Variants in A2ML1 observed in about 807,000 individuals in gnomAD.
The protein encoded by A2ML1 is alpha-2-macroglobulin-like protein 1.
A2ML1 carries 161 observed loss-of-function variants against 181.9 expected under a neutral mutation model. The ratio of observed to expected loss-of-function variants is 0.89; its 90% CI spans 0.78 to 1.01. The LOEUF (loss-of-function observed/expected upper bound fraction) is 1.01. Ranked by LOEUF, A2ML1 falls within the 50% of genes least tolerant of loss-of-function variation. A2ML1 has a pLI of 0.00. For synonymous variants in A2ML1, 663 were observed against 666.8 expected (o/e 0.99, Z 0.09); for missense variants, 1,670 against 1,768.1 (o/e 0.94, Z 1.00).
intron 33 of A2ML1, among the ~76,000 whole-genome samples, chr12:8,871,193 TG>T (rs1211828560): frequency 6.6e-6 from 1 of 152,226 alleles, no homozygotes; most frequent in East Asian, 1.9e-4. Flanking sequence ...TGTCTAATTT[TG>T]TTGCATTATG....
chr12:8,832,398 C>T (rs1450542291), intron 4 of A2ML1, among the ~76,000 whole-genome samples: 2 of 152,134 alleles, frequency 1.3e-5, no homozygotes, highest in African/African-American at 4.8e-5. Context: ...GTTAGTCCTG[C>T]AAAGGCAGAC....
rs968061030 is a variant in A2ML1 at position 8,847,532 on chromosome 12, A to G, written c.1684-17A>G. 2.5e-6 allele frequency: 4 copies of G among 1,600,302 alleles called. No homozygotes were observed. The East Asian group carries it at 6.7e-5, about 27-fold the overall frequency. On this transcript the variant is annotated splice_polypyrimidine_tract_variant and intron_variant, in intron 14 of 35. Coordinates refer to ENST00000299698, the MANE Select transcript of A2ML1 (RefSeq NM_144670.6). ...CAGGCTGACCTGATCCCCAAGTTAT[A>G]CCTTTCCCTTCCCCAGGTTTCCCTT...
chr12:8,823,956 T>G (rs1324854586), intron 3 of A2ML1, 74 bp downstream of exon 3: 4 of 1,501,372 alleles, frequency 2.7e-6, no homozygotes, highest in Non-Finnish European at 3.6e-6. Context: ...AGGGGATTTG[T>G]GGTTTGACAG....
intron 28 of A2ML1, among the ~76,000 whole-genome samples, chr12:8,862,765 A>G (rs1944310333): frequency 1.3e-5 from 2 of 151,016 alleles, no homozygotes; most frequent in South Asian, 2.1e-4. Flanking sequence ...TCCACCGTGT[A>G]TTGGTTTATT....
In A2ML1 at chr12:8,874,481, C is replaced by T. The variant is rs764258507; in HGVS notation, c.4278C>T (p.Thr1426=). Residue 1426 remains threonine (T), a synonymous_variant, in exon 34 of 36, where the codon ACC becomes ACT. Coordinates refer to ENST00000299698, the MANE Select transcript of A2ML1 (RefSeq NM_144670.6). The part of the protein sequence containing the change: ...TFTISQSVLV[T]NLKPATIKVY... The stretch of plus-strand genomic sequence containing the variant: ...CCATCAGCCAAAGTGTGCTGGTCAC[C>T]AACTTGAAACCAGCAACCATCAAGG... 2 of 1,613,922 alleles carry T rather than the reference C, an allele frequency of 1.2e-6. No homozygotes were observed. Among genetic ancestry groups the T allele is most frequent in the African/African-American group, 2.7e-5 (2 of 74,886 alleles).
At position 8,857,496 on chromosome 12, in the gene A2ML1, TG is replaced by T. The variant is rs766125259; in HGVS notation, c.3026-9del. ...TGTCGCTGTGATCTAAAACCACATTTGGCTTCCCAGGGTACCAGAAGGAGCT... is the reference window on the plus strand; with the variant it reads ...TGTCGCTGTGATCTAAAACCACATTTGCTTCCCAGGGTACCAGAAGGAGCT... On this transcript the variant is annotated splice_polypyrimidine_tract_variant and intron_variant, in intron 24 of 35. Coordinates refer to ENST00000299698, the MANE Select transcript of A2ML1 (RefSeq NM_144670.6). 2 of 1,611,390 alleles carry T rather than the reference TG, an allele frequency of 1.2e-6. No individual in the cohort carries two copies. Among genetic ancestry groups the T allele is most frequent in the Admixed American group, 1.7e-5 (1 of 59,622 alleles).
chr12:8,884,441 G>A (rs1944902585), intron 7 of A2ML1, among the ~76,000 whole-genome samples: 3 of 151,668 alleles, frequency 2.0e-5, no homozygotes, highest in Admixed American at 2.0e-4. Context: ...CCGTCGAGTA[G>A]ACTCCAGTGT....
intron 3 of A2ML1, among the ~76,000 whole-genome samples, chr12:8,825,138 G>T (rs1303162035): frequency 6.6e-6 from 1 of 152,094 alleles, no homozygotes; most frequent in Non-Finnish European, 1.5e-5. Flanking sequence ...TTATATGGAA[G>T]CTCTATTTTT....
At chr12:8,836,423 T>C (rs1943278386) in intron 7 of A2ML1, 84 bp downstream of exon 7, 1 of 1,168,808 alleles carries the variant, frequency 8.6e-7, no homozygotes, top group Non-Finnish European at 1.3e-6. Flanking sequence ...TGTGGGATTA[T>C]GGGTGGGCCA....
intron 10 of A2ML1, among the ~76,000 whole-genome samples, chr12:8,840,107 C>T (rs1429306200): frequency 6.6e-6 from 1 of 152,078 alleles, no homozygotes; most frequent in South Asian, 2.1e-4. Context: ...CGTCTGCAGT[C>T]CTAGCACTTT....
Position 8,823,755 on chromosome 12 carries a change from C to T in A2ML1, c.282C>T (p.Ala94=), listed in dbSNP as rs185046854. 11 of 1,614,014 alleles carry T rather than the reference C, an allele frequency of 6.8e-6. No individual in the cohort carries two copies. In the East Asian group the frequency reaches 2.5e-4, roughly 36 times the overall value. The change falls in exon 3 of 36, where the codon GCC becomes GCT. Residue 94 remains alanine (A), a synonymous_variant. Transcript: ENST00000299698. ...PPPAGGTEEV[A]TIRVSGVGNN... is the part of the protein sequence containing the mutation. ...CTGCTGGTGGCACAGAAGAAGTGGC[C>T]ACAATCCGGGTGTCGGGAGTTGGAA...
Position 8,865,021 on chromosome 12 carries a change from G to A in A2ML1, c.3717+1013G>A, listed in dbSNP as rs1228029834. 8.9e-4 allele frequency among the ~76,000 whole-genome samples: 13 copies of A among 14,550 alleles called. 6 individuals are homozygous for A. Among genetic ancestry groups the A allele is most frequent in the African/African-American group, 9.5e-4 (13 of 13,664 alleles). 9.5% of individuals were successfully genotyped at this position (14,550 alleles called of 152,430 possible). ...CTCTACTAAAATACAAAAATTAGCT[G>A]GATGTGGCCCCATCTCTACTAAAGA... On this transcript the variant is annotated intron_variant, in intron 29 of 35. Transcript: ENST00000299698.
Position 8,845,474 on chromosome 12 carries a change from G to A in A2ML1, c.1509G>A (p.Gly503=). The part of the protein sequence containing the change: ...LIGKGSLVME[G]QKHLNSKKKG... ...GGAAAGGAAGTTTGGTGATGGAGGG[G>A]CAGAAACACCTGAACTCTAAGAAGA... The change falls in exon 13 of 36, where the codon GGG becomes GGA. Residue 503 remains glycine (G), a synonymous_variant. Coordinates refer to ENST00000299698, the MANE Select transcript of A2ML1 (RefSeq NM_144670.6). 2.5e-6 allele frequency: 4 copies of A among 1,614,122 alleles called. No homozygotes were observed. Among genetic ancestry groups the A allele is most frequent in the Non-Finnish European group, 3.4e-6 (4 of 1,180,006 alleles).
intron 2 of A2ML1, 66 bp downstream of exon 2, chr12:8,823,431 A>C (rs1215792733): frequency 3.4e-6 from 5 of 1,476,770 alleles, no homozygotes; most frequent in Non-Finnish European, 4.6e-6. Context: ...GGCTCACTAT[A>C]ATCTACTTTA....
intron 33 of A2ML1, among the ~76,000 whole-genome samples, chr12:8,871,871 T>G (rs1168986174): frequency 6.6e-6 from 1 of 151,954 alleles, no homozygotes; most frequent in Non-Finnish European, 1.5e-5. Context: ...TTGGGTGCCA[T>G]TTAGTCAGAT....
intron 7 of A2ML1, among the ~76,000 whole-genome samples, chr12:8,884,812 T>C (rs1210424449): frequency 6.6e-6 from 1 of 152,260 alleles, no homozygotes; most frequent in Non-Finnish European, 1.5e-5. Context: ...CTGAGTATAA[T>C]GGCCTCCAGC....
In A2ML1 at chr12:8,848,954, G is replaced by T. The variant is rs752324308; in HGVS notation, c.2028+40G>T. The T allele has an allele frequency of 3.2e-6, 5 of 1,582,284 alleles. No homozygotes were observed. In the African/African-American group the frequency reaches 6.8e-5, roughly 21 times the overall value. ...CCATTTTGTTCTTATGGGAAAGATG[G>T]TGGTGGGAATGGGCAAAGGAAAGTT... On this transcript the variant is annotated intron_variant, in intron 16 of 35. Coordinates refer to ENST00000299698, the MANE Select transcript of A2ML1 (RefSeq NM_144670.6).
downstream of A2ML1, among the ~76,000 whole-genome samples, chr12:8,880,290 T>C (rs1278607934): frequency 6.6e-6 from 1 of 152,048 alleles, no homozygotes; most frequent in Admixed American, 6.6e-5. Flanking sequence ...TGCTTGCATC[T>C]GAGAGGTGGA....
chr12:8,885,407 C>G lies in A2ML1; in HGVS notation c.*95-1100C>G, dbSNP rs115513614. On this transcript the variant is annotated intron_variant and NMD_transcript_variant, in intron 7 of 7. Coordinates refer to the A2ML1 transcript ENST00000537475. ...GAGAAAGAAATCTTTACTTCAGGGT[C>G]AAAAAATGCTTTCCTTATGTTTTCA... is the stretch of plus-strand genomic sequence containing the variant. Among the ~76,000 whole-genome samples the G allele has an allele frequency of 1.2e-3, 188 of 151,846 alleles. 1 individual carries two copies. The highest frequency in any genetic ancestry group is 4.3e-3 in the African/African-American group (179 of 41,456).
Sources: allele counts gnomAD v4.1 joint callset (sites outside exome capture counted in the v4.1 genomes callset), GRCh38; gene constraint gnomAD v4.1.1; transcripts MANE v1.5; gene names NCBI Gene and HGNC (gene_info 2026-07-23, HGNC 2026-07-21).